Variants in GBF1 observed in about 807,000 individuals in gnomAD.
GBF1 encodes the protein golgi brefeldin A resistant guanine nucleotide exchange factor 1.
Under a neutral mutation model 210.5 loss-of-function variants are expected in GBF1, and 114 were observed. The ratio of observed to expected loss-of-function variants is 0.54; its 90% CI spans 0.47 to 0.63. The LOEUF is 0.63. Among genes scored for constraint, GBF1 ranks in the 30% least tolerant of loss-of-function variants. The pLI is 0.00. For synonymous variants in GBF1, 850 were observed against 889.2 expected, an observed-to-expected ratio of 0.96 and a Z score of 0.78; for missense variants, 1,851 against 2,357.7, an observed-to-expected ratio of 0.79 and a Z score of 4.45.
chr10:102,271,644 A>T (rs1225792367), intron 3 of GBF1, among the ~76,000 whole-genome samples: 1 of 150,818 alleles, frequency 6.6e-6, no homozygotes, highest in Non-Finnish European at 1.5e-5. Context: ...CCCGTATGTT[A>T]TGTACTAAAA....
intron 3 of GBF1, among the ~76,000 whole-genome samples, chr10:102,325,658 GT>G (rs927780622): frequency 1.3e-5 from 2 of 148,844 alleles, no homozygotes; most frequent in African/African-American, 4.9e-5. Context: ...TTTTGTTTTT[GT>G]TTTTTTTTAA....
chr10:102,254,730 A>AT (rs1055085726), intron 1 of GBF1, among the ~76,000 whole-genome samples: 3 of 151,798 alleles, frequency 2.0e-5, no homozygotes, highest in African/African-American at 4.8e-5. Flanking sequence ...TCTCTTATTT[A>AT]TTTTTTTCTA....
chr10:102,377,339 T>A (rs1486757395), intron 33 of GBF1, among the ~76,000 whole-genome samples, 199 bp downstream of exon 33: 8 of 70,084 alleles, frequency 1.1e-4, no homozygotes, highest in African/African-American at 2.9e-4. Context: ...TTATTTATTT[T>A]TATTTTTATT....
chr10:102,290,406 T>A (rs2076335772), intron 3 of GBF1, among the ~76,000 whole-genome samples: 1 of 152,168 alleles, frequency 6.6e-6, no homozygotes, highest in South Asian at 2.1e-4. Context: ...TGCCATAGAT[T>A]AACTATCCTT....
At position 102,347,526 on chromosome 10, in the gene GBF1, T is replaced by C. The variant is rs547730720; in HGVS notation, c.295+3344T>C. ...TGGACTTGGCAGACAGGCTGGTCAT[T>C]GGAGACCTCAGGCCACCTGGTCATT... On this transcript the variant is annotated intron_variant, in intron 4 of 39. Transcript: ENST00000369983. Among the ~76,000 whole-genome samples, 3 of 152,290 alleles carry C rather than the reference T, an allele frequency of 2.0e-5. No homozygotes were observed. The South Asian group carries it at 6.2e-4, about 32-fold the overall frequency.
chr10:102,369,351 C>A lies in GBF1; in HGVS notation c.3114C>A (p.Leu1038=). 6.2e-7 allele frequency: 1 copy of A among 1,613,904 alleles called. No homozygotes were observed. ...WKNIMEAMLQ[L]FRAQLLPKAM... ...ATATCATGGAGGCCATGCTGCAGCT[C>A]TTCCGAGCCCAACTACTGCCCAAGG... The change falls in exon 24 of 40, where the codon CTC becomes CTA. Residue 1038 remains leucine, a synonymous_variant. Coordinates refer to ENST00000369983, the MANE Select transcript of GBF1 (RefSeq NM_001377137.1).
intron 3 of GBF1, among the ~76,000 whole-genome samples, chr10:102,342,925 A>G (rs1474136435): frequency 6.6e-6 from 1 of 152,188 alleles, no homozygotes; most frequent in African/African-American, 2.4e-5. Flanking sequence ...ATTTAGGTAG[A>G]ATAGATGAAG....
At chr10:102,292,175 C>T (rs542092764) in intron 3 of GBF1, among the ~76,000 whole-genome samples, 11 of 152,176 alleles carry the variant, frequency 7.2e-5, no homozygotes, top group Middle Eastern at 3.4e-3. Flanking sequence ...AGGCATGAGC[C>T]ACCATGCCCG....
In GBF1 at chr10:102,360,924, G is replaced by A. The variant is rs924324649; in HGVS notation, c.1393-98G>A. The A allele has an allele frequency of 2.3e-5, 16 of 707,060 alleles. No individual in the cohort carries two copies. The South Asian group carries it at 2.3e-4, about 10-fold the overall frequency. 43.8% of individuals were successfully genotyped at this position (707,060 alleles called of 1,614,324 possible). A position where few individuals can be genotyped will look rare whatever the true frequency, so the allele number is the denominator to read the frequency against. ...CAGGAGGCAGAGGTTGCAGTGAGCT[G>A]AGATTGCGCCACTGCACTCCAGCGT... On this transcript the variant is annotated intron_variant, in intron 12 of 39. Coordinates refer to ENST00000369983, the MANE Select transcript of GBF1 (RefSeq NM_001377137.1).
intron 3 of GBF1, among the ~76,000 whole-genome samples, chr10:102,327,674 GTTGA>G (rs1392795043): frequency 2.0e-5 from 3 of 152,212 alleles, no homozygotes; most frequent in Non-Finnish European, 4.4e-5. Flanking sequence ...TTATTTGTAA[GTTGA>G]TTGAGCATAA....
chr10:102,313,865 T>G (rs2078698608), intron 3 of GBF1, among the ~76,000 whole-genome samples: 1 of 152,192 alleles, frequency 6.6e-6, no homozygotes, highest in South Asian at 2.1e-4. Flanking sequence ...AATTGCAGGC[T>G]GGGCTAGGGA....
chr10:102,372,609 A>G (rs1293633191), intron 29 of GBF1, among the ~76,000 whole-genome samples: 2 of 152,268 alleles, frequency 1.3e-5, no homozygotes, highest in African/African-American at 4.8e-5. Context: ...GAGACCAGAA[A>G]TAAGCTCAAC....
chr10:102,267,165 GA>G (rs1180893434), intron 3 of GBF1, among the ~76,000 whole-genome samples: 1 of 152,196 alleles, frequency 6.6e-6, no homozygotes, highest in Non-Finnish European at 1.5e-5. Flanking sequence ...GAGGTGTAGA[GA>G]AAAGAGATTT....
intron 3 of GBF1, among the ~76,000 whole-genome samples, chr10:102,265,556 C>T (rs769127411): frequency 6.6e-5 from 10 of 152,020 alleles, no homozygotes; most frequent in South Asian, 2.1e-4. Flanking sequence ...GGTATGGTGG[C>T]GTACAACTGT....
chr10:102,262,786 A>G (rs565207173), intron 3 of GBF1, among the ~76,000 whole-genome samples: 2 of 152,342 alleles, frequency 1.3e-5, no homozygotes, highest in African/African-American at 4.8e-5. Flanking sequence ...AAGAGCTATC[A>G]AAGTTGAGTC....
At chr10:102,232,006 G>A in the GBF1 span, 2 of 1,610,344 alleles carry the variant, frequency 1.2e-6, no homozygotes, top group Non-Finnish European at 1.7e-6. Context: ...GGAGCTGGGG[G>A]TGCGGAGTGC....
chr10:102,364,516 G>A (rs1290219192), intron 17 of GBF1, among the ~76,000 whole-genome samples: 3 of 150,770 alleles, frequency 2.0e-5, no homozygotes, highest in Non-Finnish European at 4.4e-5. Flanking sequence ...GAGCCACCAT[G>A]TCTGGCCTGT....
At chr10:102,244,815 A>T (rs1272880756), upstream of GBF1, among the ~76,000 whole-genome samples, 1 of 152,200 alleles carries the variant, frequency 6.6e-6, no homozygotes, top group Non-Finnish European at 1.5e-5. Flanking sequence ...ACATGGGCCC[A>T]GCCTTCCACC....
chr10:102,232,991 C>T, the GBF1 span, among the ~76,000 whole-genome samples: 2 of 152,300 alleles, frequency 1.3e-5, no homozygotes, highest in Admixed American at 6.5e-5. Flanking sequence ...CTGAGGAAAC[C>T]GTAACTTGAA....
Sources: allele counts gnomAD v4.1 joint callset (sites outside exome capture counted in the v4.1 genomes callset), GRCh38; gene constraint gnomAD v4.1.1; transcripts MANE v1.5; gene names NCBI Gene and HGNC (gene_info 2026-07-23, HGNC 2026-07-21).